Variants in FRMPD4 observed in about 807,000 individuals in gnomAD.
FRMPD4 encodes FERM and PDZ domain-containing protein 4.
In FRMPD4, 22 loss-of-function variants were observed where a neutral mutation model predicts 94.1. The observed-to-expected ratio is 0.23, with a 90% CI of 0.17 to 0.33. The LOEUF (loss-of-function observed/expected upper bound fraction) is 0.33, where lower values mean the gene tolerates loss of function less well. Ranked by LOEUF, FRMPD4 falls within the 10% of genes least tolerant of loss-of-function variation. The probability of loss-of-function intolerance (pLI) is 1.00; values close to 1 mark genes in which losing one functional copy is unlikely to be tolerated. For synonymous variants in FRMPD4, 631 were observed against 548.6 expected (o/e 1.15, Z -2.10); for missense variants, 1,111 against 1,339.9 (o/e 0.83, Z 2.67).
At chrX:12,647,002 T>C (rs5978562) in intron 4 of FRMPD4, among the ~76,000 whole-genome samples, 6,561 of 111,690 alleles carry the variant, frequency 0.059, 359 homozygotes, top group African/African-American at 0.17. Flanking sequence ...GGCTCCAGGA[T>C]AACGTTATAC....
intron 1 of FRMPD4, among the ~76,000 whole-genome samples, chrX:12,344,688 T>G (rs1360435412): frequency 8.9e-6 from 1 of 112,421 alleles, no homozygotes; most frequent in African/African-American, 3.2e-5. Flanking sequence ...CATTTATCTT[T>G]TTGTACTTTA....
At chrX:12,594,360 T>C (rs1460484579) in intron 2 of FRMPD4, among the ~76,000 whole-genome samples, 3 of 112,097 alleles carry the variant, frequency 2.7e-5, no homozygotes, top group Non-Finnish European at 5.6e-5. Flanking sequence ...AAACTTGGTG[T>C]ATGGTATGTG....
chrX:12,062,346 G>A (rs1342457316), intron 3 of FRMPD4, among the ~76,000 whole-genome samples: 1 of 111,623 alleles, frequency 9.0e-6, no homozygotes, highest in African/African-American at 3.3e-5. Flanking sequence ...GATTATTTGG[G>A]TGAAAATGCC....
chrX:12,303,799 G>A, intron 1 of FRMPD4, among the ~76,000 whole-genome samples: 1 of 112,401 alleles, frequency 8.9e-6, no homozygotes, highest in East Asian at 2.8e-4. Context: ...TCGATCCTTG[G>A]ATAGGCCAAA....
intron 1 of FRMPD4, among the ~76,000 whole-genome samples, chrX:12,477,313 G>A (rs2057614912): frequency 9.0e-6 from 1 of 111,420 alleles, no homozygotes; most frequent in South Asian, 3.8e-4. Flanking sequence ...TGTGGGGTGG[G>A]GGAAGGGGGA....
At chrX:12,055,186 T>A (rs1344620331) in intron 3 of FRMPD4, among the ~76,000 whole-genome samples, 2 of 112,239 alleles carry the variant, frequency 1.8e-5, no homozygotes, top group Non-Finnish European at 3.8e-5. Context: ...TCAATGAAGA[T>A]AAGAGTTTGC....
chrX:12,587,645 AGTGT>A (rs56902110), intron 2 of FRMPD4, among the ~76,000 whole-genome samples: 6,202 of 103,879 alleles, frequency 0.06, 453 homozygotes, highest in African/African-American at 0.2. Flanking sequence ...TTCCATTATG[AGTGT>A]GTGTGTGTGT....
intron 3 of FRMPD4, among the ~76,000 whole-genome samples, chrX:11,919,377 T>G (rs2054043300): frequency 8.9e-6 from 1 of 112,323 alleles, no homozygotes; most frequent in South Asian, 3.7e-4. Context: ...CTGTTATGAA[T>G]CATTGGTAAG....
chrX:11,892,978 C>T (rs2053883535), intron 3 of FRMPD4, among the ~76,000 whole-genome samples: 1 of 111,968 alleles, frequency 8.9e-6, no homozygotes, highest in African/African-American at 3.2e-5. Context: ...ATTAAGTAAC[C>T]TTGATTATTT....
At chrX:12,333,317 G>GTT (rs200685306) in intron 1 of FRMPD4, among the ~76,000 whole-genome samples, 1 of 108,736 alleles carries the variant, frequency 9.2e-6, no homozygotes, top group Admixed American at 9.9e-5. Flanking sequence ...CATTTAAAAT[G>GTT]TTTTTTTTTA....
At chrX:12,658,963 C>G (rs1275370261) in intron 4 of FRMPD4, among the ~76,000 whole-genome samples, 6 of 112,344 alleles carry the variant, frequency 5.3e-5, no homozygotes, top group African/African-American at 1.3e-4. Context: ...GCTCCAAACT[C>G]ACAGGTAAAG....
rs59137152 is a variant in FRMPD4 at position 11,839,650 on chromosome X, A to G, written c.-161+16935A>G. Among the ~76,000 whole-genome samples the G allele has an allele frequency of 4.4e-3, 496 of 111,675 alleles. 4 individuals are homozygous for G. Among genetic ancestry groups the G allele is most frequent in the African/African-American group, 0.016 (481 of 30,868 alleles). On this transcript the variant is annotated intron_variant, in intron 1 of 18. Coordinates refer to the FRMPD4 transcript ENST00000640291. ...TGAAGAGTTTTTTCTGTTTTCTTCT[A>G]AAAATTGTTTTATAGGTTTAGTTCT...
At chrX:11,836,198 C>T (rs1458687620) in intron 1 of FRMPD4, among the ~76,000 whole-genome samples, 1 of 111,328 alleles carries the variant, frequency 9.0e-6, no homozygotes. Context: ...CAACTACTTA[C>T]GGGGCCTGTG....
At chrX:12,654,333 T>C (rs1233702725) in intron 4 of FRMPD4, among the ~76,000 whole-genome samples, 1 of 111,592 alleles carries the variant, frequency 9.0e-6, no homozygotes, top group East Asian at 2.8e-4. Flanking sequence ...TTCAGATATA[T>C]CACACTTATA....
chrX:12,531,715 A>T (rs1307278457), intron 2 of FRMPD4, among the ~76,000 whole-genome samples: 1 of 110,976 alleles, frequency 9.0e-6, no homozygotes, highest in South Asian at 3.9e-4. Flanking sequence ...AATTTCATTT[A>T]CCTCCTACCC....
chrX:12,680,299 C>G (rs1325078311), intron 5 of FRMPD4, among the ~76,000 whole-genome samples: 2 of 112,071 alleles, frequency 1.8e-5, no homozygotes, highest in Non-Finnish European at 3.8e-5. Context: ...TTGTTATTTC[C>G]ACCACAGGAT....
intron 2 of FRMPD4, among the ~76,000 whole-genome samples, chrX:12,575,781 G>A (rs2058806195): frequency 9.0e-6 from 1 of 111,340 alleles, no homozygotes. Flanking sequence ...AGACTTGATG[G>A]GCCATTGCTG....
At chrX:11,853,818 G>C (rs1476199722) in intron 1 of FRMPD4, among the ~76,000 whole-genome samples, 1 of 112,037 alleles carries the variant, frequency 8.9e-6, no homozygotes, top group Non-Finnish European at 1.9e-5. Context: ...AGCTGGTACT[G>C]TTCCTACTGA....
intron 3 of FRMPD4, among the ~76,000 whole-genome samples, chrX:12,088,895 C>T (rs977595042): frequency 8.9e-6 from 1 of 112,106 alleles, no homozygotes; most frequent in Non-Finnish European, 1.9e-5. Flanking sequence ...AGATTGAACA[C>T]ACCCATATAA....
Sources: allele counts gnomAD v4.1 joint callset (sites outside exome capture counted in the v4.1 genomes callset), GRCh38; gene constraint gnomAD v4.1.1; transcripts MANE v1.5; gene names NCBI Gene and HGNC (gene_info 2026-07-23, HGNC 2026-07-21).